The following LST1 variants were observed in gnomAD, a reference collection of about 807,000 sequenced individuals.
The protein encoded by LST1 is leukocyte specific transcript 1.
A neutral mutation model predicts 8.5 loss-of-function variants in LST1; 9 were observed. The observed-to-expected ratio is 1.06, with a 90% CI of 0.64 to 1.85. The LOEUF is 1.85. Ranked by LOEUF, LST1 falls within the 40% of genes most tolerant of loss-of-function variation. The pLI is 0.00. For synonymous variants in LST1, 53 were observed against 50.4 expected, an observed-to-expected ratio of 1.05 and a Z score of -0.21; for missense variants, 121 against 117.1, an observed-to-expected ratio of 1.03 and a Z score of -0.16.
chr6:31,588,331 G>A (rs1243505012), intron 4 of LST1, 187 bp from the exon 5 acceptor site: 8 of 671,974 alleles, frequency 1.2e-5, no homozygotes, highest in Non-Finnish European at 1.8e-5. Context: ...AGGGGTTGAA[G>A]ACAATCCTGG....
chr6:31,587,773 C>A, intron 3 of LST1, 40 bp downstream of exon 3: 1 of 1,505,246 alleles, frequency 6.6e-7, no homozygotes, highest in Non-Finnish European at 9.0e-7. Context: ...CAGCAGTGCC[C>A]CCTGTGCCCC....
chr6:31,588,796 C>A lies in LST1; in HGVS notation c.*120C>A. 1 of 1,169,836 alleles carries A rather than the reference C, an allele frequency of 8.5e-7. No individual in the cohort carries two copies. 72.5% of individuals were successfully genotyped at this position (1,169,836 alleles called of 1,614,324 possible). A position where few individuals can be genotyped will look rare whatever the true frequency, so the allele number is the denominator to read the frequency against. ...GTCCTCTCAGTCCATCTCGAGCCTCCGTTCAAATTGATCATCATCAAAACT... is the reference window on the plus strand; with the variant it reads ...GTCCTCTCAGTCCATCTCGAGCCTCAGTTCAAATTGATCATCATCAAAACT... On this transcript the variant is annotated 3_prime_UTR_variant, in exon 5 of 5. Coordinates refer to ENST00000438075, the MANE Select transcript of LST1 (RefSeq NM_205839.3).
At chr6:31,587,987 G>C (rs780467749) in intron 4 of LST1, 21 bp downstream of exon 4, 1 of 1,602,602 alleles carries the variant, frequency 6.2e-7, no homozygotes, top group South Asian at 1.1e-5. Flanking sequence ...GGACAGGGAA[G>C]GGGGAGGGCA....
chr6:31,587,918 G>C, intron 3 of LST1, 26 bp from the exon 4 acceptor site: 3 of 1,607,942 alleles, frequency 1.9e-6, no homozygotes, highest in Non-Finnish European at 2.5e-6. Context: ...AGGGTGGGCT[G>C]TGTTGAGCTT....
In LST1 at chr6:31,588,879, A is replaced by T. The variant is rs3087617; in HGVS notation, c.*203A>T. The T allele has an allele frequency of 0.088, 77,274 of 874,382 alleles. 3,990 individuals carry two copies. Among genetic ancestry groups the T allele is most frequent in the South Asian group, 0.18 (9,528 of 52,750 alleles). The allele number at this position is 874,382 out of a possible 1,614,324, so 54.2% of individuals were successfully genotyped here. ...TTTTAAATTTTTTAAAAATTAAAATAAAAAAAACACATGGCTCACCCTTCC... is the reference window on the plus strand; with the variant it reads ...TTTTAAATTTTTTAAAAATTAAAATTAAAAAAACACATGGCTCACCCTTCC... On this transcript the variant is annotated 3_prime_UTR_variant, in exon 5 of 5. Coordinates refer to ENST00000438075, the MANE Select transcript of LST1 (RefSeq NM_205839.3).
At chr6:31,586,706 C>T (rs1226673819) in intron 1 of LST1, 1 of 153,566 alleles carries the variant, frequency 6.5e-6, no homozygotes, top group Non-Finnish European at 1.5e-5. Context: ...CCCACTTCAG[C>T]CCTAGCAGCA....
In LST1 at chr6:31,588,694, C is replaced by G; in HGVS notation, c.*18C>G. Reference sequence around the variant, plus strand: ...CCACCTGAGCACCCCAGACACCTTCCTCAACCCAGGCGGGTGGACAGGGTC... The same window carrying G: ...CCACCTGAGCACCCCAGACACCTTCGTCAACCCAGGCGGGTGGACAGGGTC... On this transcript the variant is annotated 3_prime_UTR_variant, in exon 5 of 5. Transcript: ENST00000438075. 1 of 1,613,098 alleles carries G rather than the reference C, an allele frequency of 6.2e-7. No individual in the cohort carries two copies. Among genetic ancestry groups the G allele is most frequent in the Admixed American group, 1.7e-5 (1 of 60,028 alleles).
At chr6:31,586,921 G>A (rs1264937175) in intron 1 of LST1, 6 of 306,954 alleles carry the variant, frequency 2.0e-5, no homozygotes, top group Non-Finnish European at 3.7e-5. Context: ...GGGCTGAAAA[G>A]TCCCCTCCAA....
Position 31,587,881 on chromosome 6 carries a change from G to A in LST1, c.113-63G>A. On this transcript the variant is annotated intron_variant, in intron 3 of 4. Transcript: ENST00000438075. ...GAGTCCACGCCTGCTGGTGGGGGGAGCCCGGGAGGGCCCGGGAGAAGCACA... is the reference window on the plus strand; with the variant it reads ...GAGTCCACGCCTGCTGGTGGGGGGAACCCGGGAGGGCCCGGGAGAAGCACA... 6 of 1,573,448 alleles carry A rather than the reference G, an allele frequency of 3.8e-6. 1 individual carries two copies. The South Asian group carries it at 4.7e-5, about 12-fold the overall frequency.
rs1772337888 is a variant in LST1 at position 31,588,872 on chromosome 6, TTAAAA to T, written c.*202_*206del. The stretch of plus-strand genomic sequence containing the variant: ...GGGAATTTTTTAAATTTTTTAAAAA[TTAAAA>T]TAAAAAAAACACATGGCTCACCCTT... On this transcript the variant is annotated 3_prime_UTR_variant, in exon 5 of 5. Coordinates refer to ENST00000438075, the MANE Select transcript of LST1 (RefSeq NM_205839.3). 5 of 892,840 alleles carry T rather than the reference TTAAAA, an allele frequency of 5.6e-6. No homozygotes were observed. Among genetic ancestry groups the T allele is most frequent in the Non-Finnish European group, 6.7e-6 (4 of 593,762 alleles). 55.3% of individuals were successfully genotyped at this position (892,840 alleles called of 1,614,324 possible). A position where few individuals can be genotyped will look rare whatever the true frequency, so the allele number is the denominator to read the frequency against.
intron 2 of LST1, 22 bp from the exon 3 acceptor site, chr6:31,587,618 AC>A (rs755384203): frequency 2.6e-5 from 38 of 1,475,556 alleles, no homozygotes; most frequent in Non-Finnish European, 3.3e-5. Flanking sequence ...GGGCTTCCTA[AC>A]CTTGAGCCCT....
Position 31,587,328 on chromosome 6 carries a change from G to C in LST1, c.19+10G>C. On this transcript the variant is annotated intron_variant, in intron 2 of 4. Coordinates refer to ENST00000438075, the MANE Select transcript of LST1 (RefSeq NM_205839.3). ...TTATCGCGGAATGATGGTAAGTAAA[G>C]TGTCTCTTGCATCTGCATAGAGAGA... 6.2e-7 allele frequency: 1 copy of C among 1,613,450 alleles called. No homozygotes were observed. Among genetic ancestry groups the C allele is most frequent in the South Asian group, 1.1e-5 (1 of 91,068 alleles).
intron 4 of LST1, 77 bp from the exon 5 acceptor site, chr6:31,588,441 C>A: frequency 1.4e-6 from 2 of 1,443,064 alleles, no homozygotes; most frequent in Non-Finnish European, 1.9e-6. Flanking sequence ...GTAAGAAAGG[C>A]TGGAGGTGGG....
At chr6:31,587,504 T>C in intron 2 of LST1, 137 bp from the exon 3 acceptor site, 1 of 824,502 alleles carries the variant, frequency 1.2e-6, no homozygotes, top group Non-Finnish European at 2.0e-6. Context: ...AGGTCTGGGA[T>C]GGAGAAGCTC....
Position 31,588,593 on chromosome 6 carries a change from G to C in LST1, c.211G>C (p.Asp71His). The part of the protein sequence containing the change: ...RLPVPSSEGP[D>H]LRGRDKRGTK... The stretch of plus-strand genomic sequence containing the variant: ...GCCAGTGCCCAGCAGTGAGGGACCT[G>C]ACCTCAGGGGCAGAGACAAGAGAGG... Residue 71 changes from aspartate (D) to histidine (H), a missense_variant, in exon 5 of 5, where the codon GAC becomes CAC. Transcript: ENST00000438075. 1.2e-6 allele frequency: 2 copies of C among 1,613,042 alleles called. No homozygotes were observed. The highest frequency in any genetic ancestry group is 1.7e-6 in the Non-Finnish European group (2 of 1,179,988).
intron 4 of LST1, 78 bp from the exon 5 acceptor site, chr6:31,588,440 G>C: frequency 7.0e-7 from 1 of 1,422,322 alleles, no homozygotes; most frequent in Non-Finnish European, 9.6e-7. Flanking sequence ...AGTAAGAAAG[G>C]CTGGAGGTGG....
rs964278712 is a variant in LST1 at position 31,588,707 on chromosome 6, G to A, written c.*31G>A. The A allele has an allele frequency of 6.2e-7, 1 of 1,612,258 alleles. No individual in the cohort carries two copies. ...CCAGACACCTTCCTCAACCCAGGCG[G>A]GTGGACAGGGTCCCCCTGTGGTCCA... On this transcript the variant is annotated 3_prime_UTR_variant, in exon 5 of 5. Transcript: ENST00000438075.
At position 31,587,326 on chromosome 6, in the gene LST1, A is replaced by G. The variant is rs762937991; in HGVS notation, c.19+8A>G. 3 of 1,613,376 alleles carry G rather than the reference A, an allele frequency of 1.9e-6. No homozygotes were observed. In the Admixed American group the frequency reaches 5.0e-5, roughly 27 times the overall value. On this transcript the variant is annotated splice_region_variant and intron_variant, in intron 2 of 4. Transcript: ENST00000438075. ...TGTTATCGCGGAATGATGGTAAGTA[A>G]AGTGTCTCTTGCATCTGCATAGAGA... is the stretch of plus-strand genomic sequence containing the variant.
At chr6:31,586,992 C>A in intron 1 of LST1, 1 of 533,904 alleles carries the variant, frequency 1.9e-6, no homozygotes, top group Non-Finnish European at 3.4e-6. Flanking sequence ...CAGAGCTGGC[C>A]TTAAACCCCA....
Sources: allele counts gnomAD v4.1 joint callset, GRCh38; gene constraint gnomAD v4.1.1; transcripts MANE v1.5; gene names NCBI Gene and HGNC (gene_info 2026-07-23, HGNC 2026-07-21).